RORA: variants seen among roughly 807,000 people sequenced by gnomAD.
The protein encoded by RORA is RAR related orphan receptor A.
RORA carries 7 observed loss-of-function variants against 69.5 expected under a neutral mutation model. The ratio of observed to expected loss-of-function variants is 0.10; its 90% CI spans 0.06 to 0.19. RORA has a LOEUF of 0.19. Ranked by LOEUF, RORA falls within the 10% of genes least tolerant of loss-of-function variation. RORA has a pLI of 1.00. For missense variants in RORA, 457 were observed against 663.0 expected (o/e 0.69, Z 3.41); for synonymous variants, 261 against 240.8 (o/e 1.08, Z -0.78).
chr15:60,492,483 T>G lies in RORA; in HGVS notation c.*4972A>C, dbSNP rs1266841033. On this transcript the variant is annotated 3_prime_UTR_variant, in exon 11 of 11. Coordinates refer to ENST00000335670, the MANE Select transcript of RORA (RefSeq NM_134261.3). ...TGGTTTGCTTCTAGAGGAGAACCCATGAAAACAATAGTTAATTGCTGGTAT... is the reference window on the plus strand; with the variant it reads ...TGGTTTGCTTCTAGAGGAGAACCCAGGAAAACAATAGTTAATTGCTGGTAT... 1 of 152,146 alleles carries G rather than the reference T, an allele frequency of 6.6e-6. No homozygotes were observed. Among genetic ancestry groups the G allele is most frequent in the East Asian group, 1.9e-4 (1 of 5,202 alleles). 9.4% of individuals were successfully genotyped at this position (152,146 alleles called of 1,614,324 possible).
intron 2 of RORA, among the ~76,000 whole-genome samples, chr15:60,556,503 T>C (rs2067362746): frequency 6.6e-6 from 1 of 152,202 alleles, no homozygotes; most frequent in South Asian, 2.1e-4. Context: ...AATTTTGTAT[T>C]ACCTGTCTAA....
At chr15:60,585,908 T>TC (rs2068321167) in intron 2 of RORA, among the ~76,000 whole-genome samples, 1 of 152,190 alleles carries the variant, frequency 6.6e-6, no homozygotes, top group Non-Finnish European at 1.5e-5. Flanking sequence ...CCTTTGACCT[T>TC]CCCACTAGCC....
chr15:60,800,139 T>C (rs1404286757), intron 1 of RORA, among the ~76,000 whole-genome samples: 1 of 152,220 alleles, frequency 6.6e-6, no homozygotes, highest in Non-Finnish European at 1.5e-5. Flanking sequence ...CCACAGAAAT[T>C]GGCAAACTTA....
chr15:60,517,636 A>T (rs1409957807), intron 3 of RORA, among the ~76,000 whole-genome samples: 1 of 152,192 alleles, frequency 6.6e-6, no homozygotes, highest in African/African-American at 2.4e-5. Flanking sequence ...CTGTCTAGGT[A>T]TTCATTTTCC....
chr15:60,977,269 A>C (rs572743900), intron 1 of RORA, among the ~76,000 whole-genome samples: 1 of 152,298 alleles, frequency 6.6e-6, no homozygotes, highest in Admixed American at 6.5e-5. Context: ...TCAGTGTTAT[A>C]AGATTAGACA....
At chr15:60,794,193 T>A (rs1171858954) in intron 1 of RORA, among the ~76,000 whole-genome samples, 4 of 152,206 alleles carry the variant, frequency 2.6e-5, no homozygotes, top group Admixed American at 2.0e-4. Flanking sequence ...AATACTGGCA[T>A]AAATGAAATA....
At chr15:60,588,197 C>T (rs1233323178) in intron 2 of RORA, among the ~76,000 whole-genome samples, 1 of 152,124 alleles carries the variant, frequency 6.6e-6, no homozygotes, top group African/African-American at 2.4e-5. Context: ...AGTAGAGAAA[C>T]ATAAAAGTGG....
At chr15:60,516,282 G>A (rs2065957145) in intron 3 of RORA, among the ~76,000 whole-genome samples, 2 of 87,464 alleles carry the variant, frequency 2.3e-5, no homozygotes, top group African/African-American at 4.1e-5. Context: ...TTTTTTGGTC[G>A]AGATGGGGGT....
At chr15:60,715,663 C>G (rs2071210258) in intron 1 of RORA, among the ~76,000 whole-genome samples, 1 of 152,180 alleles carries the variant, frequency 6.6e-6, no homozygotes, top group Non-Finnish European at 1.5e-5. Flanking sequence ...GTTCCTTTAG[C>G]TTTCCAAACA....
intron 2 of RORA, among the ~76,000 whole-genome samples, chr15:60,554,927 A>G (rs1331173332): frequency 6.6e-6 from 1 of 151,808 alleles, no homozygotes; most frequent in African/African-American, 2.4e-5. Context: ...GTACCATAGG[A>G]TAAAATTAAA....
intron 1 of RORA, among the ~76,000 whole-genome samples, chr15:61,138,523 TG>T (rs1171809008): frequency 6.6e-6 from 1 of 152,212 alleles, no homozygotes; most frequent in African/African-American, 2.4e-5. Flanking sequence ...CACCGATTTT[TG>T]GATGCCCTTT....
At chr15:60,594,013 TG>T (rs750042973) in intron 2 of RORA, among the ~76,000 whole-genome samples, 56 of 152,316 alleles carry the variant, frequency 3.7e-4, no homozygotes, top group Non-Finnish European at 7.2e-4. Flanking sequence ...TAAAGTTCGT[TG>T]TCCTTCAGTC....
intron 1 of RORA, among the ~76,000 whole-genome samples, chr15:60,753,643 C>T (rs549819933): frequency 6.6e-6 from 1 of 152,328 alleles, no homozygotes; most frequent in Admixed American, 6.5e-5. Context: ...CACTAGGAAG[C>T]AATGAGATTG....
chr15:61,174,817 A>G (rs1257414705), intron 1 of RORA, among the ~76,000 whole-genome samples: 4 of 152,188 alleles, frequency 2.6e-5, no homozygotes, highest in Admixed American at 2.0e-4. Flanking sequence ...TCCAGAGACT[A>G]AAGCCTCCAT....
At chr15:60,931,490 G>A (rs1410345569) in intron 1 of RORA, among the ~76,000 whole-genome samples, 1 of 152,242 alleles carries the variant, frequency 6.6e-6, no homozygotes, top group Non-Finnish European at 1.5e-5. Context: ...CCAGACTCCT[G>A]CAGTCTTTCA....
intron 1 of RORA, among the ~76,000 whole-genome samples, chr15:61,057,150 A>G (rs1041553072): frequency 2.0e-5 from 3 of 152,240 alleles, no homozygotes; most frequent in African/African-American, 7.2e-5. Context: ...TAGACTCGAC[A>G]GGCGAAGGGA....
chr15:60,568,035 T>G lies in RORA; in HGVS notation c.197-36184A>C, dbSNP rs532529777. The stretch of plus-strand genomic sequence containing the variant: ...ATTCTTTGTTGTGGCTAGATGCTAA[T>G]AGCACTCTCGAATTGTATTAATCAA... On this transcript the variant is annotated intron_variant, in intron 2 of 10. Coordinates refer to ENST00000335670, the MANE Select transcript of RORA (RefSeq NM_134261.3). 3.3e-5 allele frequency among the ~76,000 whole-genome samples: 5 copies of G among 152,210 alleles called. No individual in the cohort carries two copies. The South Asian group carries it at 1.0e-3, about 32-fold the overall frequency.
intron 5 of RORA, among the ~76,000 whole-genome samples, chr15:60,507,424 T>C (rs1251109471): frequency 6.6e-6 from 1 of 152,154 alleles, no homozygotes; most frequent in Non-Finnish European, 1.5e-5. Flanking sequence ...AGAATCTCCT[T>C]AGAGACACTG....
intron 2 of RORA, among the ~76,000 whole-genome samples, chr15:60,578,027 C>A (rs1325066652): frequency 1.3e-5 from 2 of 152,188 alleles, no homozygotes; most frequent in African/African-American, 4.8e-5. Flanking sequence ...ATAGCCTTTT[C>A]AGATAATTTT....
Sources: allele counts gnomAD v4.1 joint callset (sites outside exome capture counted in the v4.1 genomes callset), GRCh38; gene constraint gnomAD v4.1.1; transcripts MANE v1.5; gene names NCBI Gene and HGNC (gene_info 2026-07-23, HGNC 2026-07-21).